NRIP1: variants seen among roughly 807,000 people sequenced by gnomAD.
NRIP1 encodes the protein nuclear receptor-interacting protein 1.
In NRIP1, 28 loss-of-function variants were observed where a neutral mutation model predicts 75.0. The observed-to-expected ratio is 0.37, with a 90% confidence interval of 0.28 to 0.51. The LOEUF (loss-of-function observed/expected upper bound fraction) is 0.51. Among genes scored for constraint, NRIP1 ranks in the 20% least tolerant of loss-of-function variants. The probability of loss-of-function intolerance (pLI) is 0.92; values close to 1 mark genes in which losing one functional copy is unlikely to be tolerated. For synonymous variants in NRIP1, 526 were observed against 487.6 expected (o/e 1.08, Z -1.04); for missense variants, 1,435 against 1,343.7 (o/e 1.07, Z -1.06).
chr21:14,968,971 T>A lies in NRIP1; in HGVS notation c.-334-445A>T, dbSNP rs535769302. 3.9e-5 allele frequency among the ~76,000 whole-genome samples: 6 copies of A among 152,274 alleles called. No individual in the cohort carries two copies. The East Asian group carries it at 1.2e-3, about 29-fold the overall frequency. On this transcript the variant is annotated intron_variant, in intron 3 of 3. Coordinates refer to ENST00000318948, the MANE Select transcript of NRIP1 (RefSeq NM_003489.4). ...AGATGTGCAGAAAAAGGAAAAGAGATGCAGACTCTGATGAGTCTGATGTGG... is the reference window on the plus strand; with the variant it reads ...AGATGTGCAGAAAAAGGAAAAGAGAAGCAGACTCTGATGAGTCTGATGTGG...
chr21:15,051,274 G>A, intron 1 of NRIP1: 1 of 185,696 alleles, frequency 5.4e-6, no homozygotes, highest in Non-Finnish European at 1.1e-5. Flanking sequence ...ACAGAACTCT[G>A]TGTGTGTGTG....
chr21:15,010,349 AT>A (rs1283393813), intron 3 of NRIP1, among the ~76,000 whole-genome samples: 6 of 151,952 alleles, frequency 3.9e-5, no homozygotes, highest in African/African-American at 1.2e-4. Context: ...TTTTAAAATT[AT>A]TTTGATTCCT....
At chr21:15,051,521 T>C (rs1318943856) in intron 1 of NRIP1, 1 of 152,404 alleles carries the variant, frequency 6.6e-6, no homozygotes, top group African/African-American at 2.4e-5. Context: ...ACAGAATATT[T>C]TGATTCACAA....
intron 3 of NRIP1, among the ~76,000 whole-genome samples, chr21:15,002,934 C>T (rs1178658000): frequency 6.6e-6 from 1 of 151,940 alleles, no homozygotes; most frequent in African/African-American, 2.4e-5. Flanking sequence ...TATGAATAAT[C>T]CCAAGCTATT....
At chr21:15,065,073 C>A, upstream of NRIP1, 1 of 155,634 alleles carries the variant, frequency 6.4e-6, no homozygotes, top group South Asian at 1.8e-4. Context: ...CCGAGTCCGC[C>A]GCGGCCCAGT....
intron 3 of NRIP1, among the ~76,000 whole-genome samples, chr21:15,010,556 T>C (rs904205621): frequency 2.0e-5 from 3 of 152,220 alleles, no homozygotes; most frequent in Non-Finnish European, 4.4e-5. Flanking sequence ...TATTTAAAGA[T>C]ACCAAATTAA....
At chr21:15,018,542 T>C (rs1266395081) in intron 2 of NRIP1, among the ~76,000 whole-genome samples, 1 of 152,024 alleles carries the variant, frequency 6.6e-6, no homozygotes, top group African/African-American at 2.4e-5. Flanking sequence ...ATAAAAGAAA[T>C]AGTGTATGCA....
At chr21:15,009,498 A>C (rs2088051674) in intron 3 of NRIP1, among the ~76,000 whole-genome samples, 1 of 152,232 alleles carries the variant, frequency 6.6e-6, no homozygotes, top group Admixed American at 6.5e-5. Flanking sequence ...TTTTGGAAGA[A>C]GACTGAGTGG....
intron 1 of NRIP1, among the ~76,000 whole-genome samples, chr21:15,062,014 C>G (rs2089433975): frequency 6.6e-6 from 1 of 152,134 alleles, no homozygotes; most frequent in Non-Finnish European, 1.5e-5. Context: ...TTTAGTTGTC[C>G]TCAATGTTCT....
intron 3 of NRIP1, chr21:14,992,558 G>A (rs1296978916): frequency 6.6e-6 from 1 of 151,636 alleles, no homozygotes; most frequent in Non-Finnish European, 1.5e-5. Context: ...TAACTATAAA[G>A]ATGGGTTTGC....
chr21:15,043,042 C>T (rs916603230), intron 2 of NRIP1, among the ~76,000 whole-genome samples: 4 of 152,120 alleles, frequency 2.6e-5, no homozygotes, highest in African/African-American at 7.2e-5. Flanking sequence ...AGTCTGTCCA[C>T]GGACTCTGAT....
intron 1 of NRIP1, among the ~76,000 whole-genome samples, chr21:15,049,379 T>C (rs967981246): frequency 7.9e-5 from 12 of 152,080 alleles, no homozygotes; most frequent in African/African-American, 2.4e-4. Flanking sequence ...TTAACAATCA[T>C]AGATTACAGG....
In NRIP1 at chr21:14,972,186, G is replaced by A. The variant is rs556281832; in HGVS notation, c.-334-3660C>T. ...ACGCACTTAGCTCCTTCTATTGAAA[G>A]CTCTTCAGGGAGCAGAGTGAGCCAA... On this transcript the variant is annotated intron_variant, in intron 3 of 3. Coordinates refer to ENST00000318948, the MANE Select transcript of NRIP1 (RefSeq NM_003489.4). 2.0e-4 allele frequency among the ~76,000 whole-genome samples: 30 copies of A among 151,792 alleles called. No homozygotes were observed. The South Asian group carries it at 3.7e-3, about 19-fold the overall frequency.
chr21:15,023,779 C>T (rs565489095), intron 2 of NRIP1, among the ~76,000 whole-genome samples: 24 of 152,274 alleles, frequency 1.6e-4, no homozygotes, highest in African/African-American at 5.1e-4. Flanking sequence ...GGAAACTTGC[C>T]TTGCCAGATA....
intron 3 of NRIP1, among the ~76,000 whole-genome samples, chr21:14,980,497 A>T (rs57517485): frequency 0.17 from 25,515 of 150,982 alleles, 2,290 homozygotes; most frequent in Admixed American, 0.22. Context: ...TAAAATAAAA[A>T]TAAAATAAAT....
At chr21:15,041,767 G>A (rs180838100) in intron 2 of NRIP1, among the ~76,000 whole-genome samples, 5 of 151,990 alleles carry the variant, frequency 3.3e-5, no homozygotes, top group East Asian at 1.9e-4. Context: ...ATGTTTATAC[G>A]AAATATTTAT....
At chr21:15,027,665 C>G (rs1422049070) in intron 2 of NRIP1, among the ~76,000 whole-genome samples, 1 of 152,136 alleles carries the variant, frequency 6.6e-6, no homozygotes, top group African/African-American at 2.4e-5. Context: ...CTGCGAACTT[C>G]AGAACTGTCT....
chr21:15,000,496 T>C (rs1487834918), intron 3 of NRIP1, among the ~76,000 whole-genome samples: 2 of 152,122 alleles, frequency 1.3e-5, no homozygotes, highest in Non-Finnish European at 2.9e-5. Context: ...AAGGAAAATA[T>C]CAATTTTCTC....
intron 1 of NRIP1, among the ~76,000 whole-genome samples, chr21:15,061,216 G>GT (rs2089417288): frequency 6.6e-6 from 1 of 152,080 alleles, no homozygotes; most frequent in South Asian, 2.1e-4. Context: ...GGAAGACATG[G>GT]GTATACAGGA....
Sources: allele counts gnomAD v4.1 joint callset (sites outside exome capture counted in the v4.1 genomes callset), GRCh38; gene constraint gnomAD v4.1.1; transcripts MANE v1.5; gene names NCBI Gene and HGNC (gene_info 2026-07-23, HGNC 2026-07-21).